Variants in DLG5 observed in about 807,000 individuals in gnomAD.
The protein encoded by DLG5 is discs large MAGUK scaffold protein 5.
A neutral mutation model predicts 189.8 loss-of-function variants in DLG5; 48 were observed. The ratio of observed to expected loss-of-function variants is 0.25; its 90% confidence interval spans 0.20 to 0.32. The LOEUF is 0.32. Ranked by LOEUF, DLG5 falls within the 10% of genes least tolerant of loss-of-function variation. DLG5 has a pLI of 1.00. For synonymous variants in DLG5, 1,016 were observed against 1,054.1 expected (o/e 0.96, Z 0.70); for missense variants, 2,160 against 2,544.7 (o/e 0.85, Z 3.25).
At position 77,809,801 on chromosome 10, in the gene DLG5, A is replaced by G. The variant is rs1841670802; in HGVS notation, c.4464-71T>C. 3 of 1,526,020 alleles carry G rather than the reference A, an allele frequency of 2.0e-6. No individual in the cohort carries two copies. The South Asian group carries it at 3.8e-5, about 19-fold the overall frequency. 94.5% of individuals were successfully genotyped at this position (1,526,020 alleles called of 1,614,324 possible). ...GCACAAAAAGACAAAGCAGTGGCCA[A>G]TGCCCTAACCGCTTTCTGCCTGCTT... On this transcript the variant is annotated intron_variant, in intron 23 of 31. Transcript: ENST00000372391.
chr10:77,920,294 T>C (rs557236063), intron 1 of DLG5, among the ~76,000 whole-genome samples: 1 of 152,342 alleles, frequency 6.6e-6, no homozygotes, highest in South Asian at 2.1e-4. Flanking sequence ...GTAGAGGAGA[T>C]AAGCTCAGAA....
rs142250117 is a variant in DLG5, at chr10:77,794,076, T to A, written c.5588A>T (p.Gln1863Leu). 11 of 1,614,106 alleles carry A rather than the reference T, an allele frequency of 6.8e-6. No homozygotes were observed. The highest frequency in any genetic ancestry group is 8.5e-6 in the Non-Finnish European group (10 of 1,180,036). Reference protein sequence around the residue: ...DPIYLRDKVTQRHSKEQFEAA... With the variant: ...DPIYLRDKVTLRHSKEQFEAA... ...CTCAAACTGCTCTTTGGAATGCCTC[T>A]GAGTCACCTTGTCCCTCAGGTAGAT... is the stretch of plus-strand genomic sequence containing the variant. Residue 1863 changes from glutamine to leucine, a missense_variant, in exon 31 of 32, where the codon CAG becomes CTG. Transcript: ENST00000372391.
intron 29 of DLG5, 39 bp from the exon 30 acceptor site, chr10:77,794,997 G>C (rs775455578): frequency 1.3e-6 from 2 of 1,563,578 alleles, no homozygotes; most frequent in South Asian, 2.3e-5. Flanking sequence ...GGCGGGCAGT[G>C]AGGGGCAGCC....
At chr10:77,900,071 A>G (rs1018287679) in intron 1 of DLG5, among the ~76,000 whole-genome samples, 2 of 152,182 alleles carry the variant, frequency 1.3e-5, no homozygotes, top group African/African-American at 2.4e-5. Flanking sequence ...TCTACAGTGT[A>G]TATATATTAT....
Position 77,821,228 on chromosome 10 carries a change from A to T in DLG5, c.3256T>A (p.Ser1086Thr). The change falls in exon 15 of 32, where the codon TCC (serine) becomes ACC (threonine). Residue 1086 changes from serine to threonine, a missense_variant. Ser to Thr is a moderately conservative substitution (Grantham distance 58). Around this residue, in one of 5 missense-constraint regions of DLG5, gnomAD observed 754 missense variants for 746.5 expected, o/e 1.01. Transcript: ENST00000372391. ...SYYPEGDGDS[S>T]HLPAKKSCDE... ...CAGGATTTCTTGGCCGGCAGGTGGG[A>T]GGAGTCCCCATCTCCTTCAGGGTAG... 6.2e-7 allele frequency: 1 copy of T among 1,614,058 alleles called. No homozygotes were observed. The highest frequency in any genetic ancestry group is 1.7e-5 in the Admixed American group (1 of 60,016).
At chr10:77,915,003 C>T (rs1009876434) in intron 1 of DLG5, among the ~76,000 whole-genome samples, 1 of 152,172 alleles carries the variant, frequency 6.6e-6, no homozygotes, top group African/African-American at 2.4e-5. Context: ...GCCCCAGAAT[C>T]ACATGTGACT....
At chr10:77,798,956 AGTAAAAAACTG>A (rs1841066414) in intron 27 of DLG5, among the ~76,000 whole-genome samples, 1 of 152,234 alleles carries the variant, frequency 6.6e-6, no homozygotes, top group Non-Finnish European at 1.5e-5. Context: ...TGTTGTATTA[AGTAAAAAACTG>A]GTAAGAAATA....
At chr10:77,922,260 C>T (rs1432933217) in intron 1 of DLG5, among the ~76,000 whole-genome samples, 1 of 152,094 alleles carries the variant, frequency 6.6e-6, no homozygotes, top group Non-Finnish European at 1.5e-5. Context: ...GATACTGAGG[C>T]TCACCCCAGG....
intron 19 of DLG5, 97 bp downstream of exon 19, chr10:77,816,910 G>A: frequency 6.9e-7 from 1 of 1,457,966 alleles, no homozygotes; most frequent in Non-Finnish European, 9.6e-7. Flanking sequence ...GACTGACTGA[G>A]ATGACTATGA....
At chr10:77,906,445 T>C (rs377136756) in intron 1 of DLG5, among the ~76,000 whole-genome samples, 4 of 152,152 alleles carry the variant, frequency 2.6e-5, no homozygotes, top group South Asian at 2.1e-4. Flanking sequence ...CAACTGCTCA[T>C]TGATAAGTCT....
At chr10:77,805,351 T>C (rs1317192670) in intron 27 of DLG5, among the ~76,000 whole-genome samples, 3 of 152,176 alleles carry the variant, frequency 2.0e-5, no homozygotes, top group Admixed American at 1.3e-4. Context: ...GGCTTCCAGA[T>C]AGCTGCTGAA....
intron 1 of DLG5, among the ~76,000 whole-genome samples, chr10:77,902,675 A>G (rs1184016599): frequency 2.0e-5 from 3 of 152,028 alleles, no homozygotes; most frequent in African/African-American, 7.3e-5. Context: ...CCTGGCTAAC[A>G]TGGTGAAACC....
At position 77,817,952 on chromosome 10, in the gene DLG5, G is replaced by T. The variant is rs531524539; in HGVS notation, c.3672-63C>A. The T allele has an allele frequency of 8.8e-5, 119 of 1,356,164 alleles. 1 individual carries two copies. In the South Asian group the frequency reaches 1.4e-3, roughly 16 times the overall value. 84.0% of individuals were successfully genotyped at this position (1,356,164 alleles called of 1,614,324 possible). ...ACCAGGAACAGATGTGGCCACTGGG[G>T]AGAAACACACAGACCAGGCAAGGGT... is the stretch of plus-strand genomic sequence containing the variant. On this transcript the variant is annotated intron_variant, in intron 17 of 31. Transcript: ENST00000372391.
rs1843099288 is a variant in DLG5 at position 77,835,761 on chromosome 10, A to C, written c.1599T>G (p.Ile533Met). ...ACCGGATGCTGTCACGCTCTGCTAC[A>C]ATCTTGTCTCGCTCCTGGAAGGCCC... ...RDWAFQERDK[I>M]VAERDSIRTL... The change falls in exon 8 of 32, where the codon ATT becomes ATG. Residue 533 changes from isoleucine to methionine, a missense_variant. By Grantham distance (10) the Ile-to-Met change is conservative (BLOSUM62 1). Coordinates refer to ENST00000372391, the MANE Select transcript of DLG5 (RefSeq NM_004747.4). 1 of 1,612,840 alleles carries C rather than the reference A, an allele frequency of 6.2e-7. No individual in the cohort carries two copies. Among genetic ancestry groups the C allele is most frequent in the Admixed American group, 1.7e-5 (1 of 59,960 alleles).
At chr10:77,865,378 T>A (rs1315386332) in intron 2 of DLG5, among the ~76,000 whole-genome samples, 1 of 152,112 alleles carries the variant, frequency 6.6e-6, no homozygotes, top group Non-Finnish European at 1.5e-5. Context: ...TCACCCCACC[T>A]TCCCCTGTCA....
chr10:77,872,919 G>T (rs1282935760), intron 1 of DLG5, among the ~76,000 whole-genome samples: 1 of 151,976 alleles, frequency 6.6e-6, no homozygotes, highest in African/African-American at 2.4e-5. Context: ...TGAAACCTAG[G>T]ATGGGCTGCT....
rs2154575573 is a variant in DLG5 at position 77,819,834 on chromosome 10, G to A, written c.3526+61C>T. 5 of 1,503,282 alleles carry A rather than the reference G, an allele frequency of 3.3e-6. No homozygotes were observed. In the East Asian group the frequency reaches 6.9e-5, roughly 21 times the overall value. 93.1% of individuals were successfully genotyped at this position (1,503,282 alleles called of 1,614,324 possible). ...TGAAATGCTGCCTCCCCTCTCCCTG[G>A]AGACTAGGCATCCCGAGTTTACACC... On this transcript the variant is annotated intron_variant, in intron 16 of 31. Coordinates refer to ENST00000372391, the MANE Select transcript of DLG5 (RefSeq NM_004747.4).
chr10:77,812,063 G>GCAT lies in DLG5; in HGVS notation c.4189-7_4189-6insATG. ...CGCAGGTTTATGCCGTTGAACTGGGGAAACACCAGGATGGGCTCAGTGGGG... is the reference window on the plus strand; with the variant it reads ...CGCAGGTTTATGCCGTTGAACTGGGGCATAAACACCAGGATGGGCTCAGTGGGG... On this transcript the variant is annotated splice_region_variant and splice_polypyrimidine_tract_variant and intron_variant, in intron 21 of 31. Transcript: ENST00000372391. 2.5e-6 allele frequency: 4 copies of GCAT among 1,608,966 alleles called. No individual in the cohort carries two copies. The highest frequency in any genetic ancestry group is 3.4e-6 in the Non-Finnish European group (4 of 1,179,930).
intron 1 of DLG5, among the ~76,000 whole-genome samples, chr10:77,922,682 GAACCA>G (rs1846570473): frequency 1.3e-5 from 2 of 152,048 alleles, no homozygotes; most frequent in Admixed American, 1.3e-4. Flanking sequence ...CAGGGCCCTG[GAACCA>G]AAGATCATAA....
Sources: gnomAD v4.1 joint callset for allele counts (sites outside exome capture counted in the v4.1 genomes callset) on GRCh38, gnomAD v4.1.1 for gene constraint, gnomAD v4.1.1 regional missense constraint, MANE v1.5 for transcripts, NCBI Gene and HGNC (gene_info 2026-07-23, HGNC 2026-07-21) for gene names.